The following CACNA1C variants were observed in gnomAD, a reference collection of about 807,000 sequenced individuals.
CACNA1C encodes voltage-dependent L-type calcium channel subunit alpha-1C.
Under a neutral mutation model 229.0 loss-of-function variants are expected in CACNA1C, and 30 were observed. That is an observed-to-expected ratio of 0.13 (90% CI 0.10 to 0.18). The LOEUF (loss-of-function observed/expected upper bound fraction) is 0.18, where lower values mean the gene tolerates loss of function less well. CACNA1C is among the 10% of genes least tolerant of loss of function. CACNA1C has a pLI of 1.00. For synonymous variants in CACNA1C, 1,114 were observed against 1,132.5 expected, an observed-to-expected ratio of 0.98 and a Z score of 0.33; for missense variants, 1,658 against 2,845.0, an observed-to-expected ratio of 0.58 and a Z score of 9.49.
At chr12:2,495,864 C>T (rs2099745813) in intron 7 of CACNA1C, among the ~76,000 whole-genome samples, 1 of 152,196 alleles carries the variant, frequency 6.6e-6, no homozygotes, top group South Asian at 2.1e-4. Context: ...AAAACTGAAA[C>T]TTGGGTATTC....
chr12:2,108,146 A>G lies in CACNA1C; in HGVS notation c.50-7078A>G, dbSNP rs2079977422. 6.6e-6 allele frequency among the ~76,000 whole-genome samples: 1 copy of G among 152,236 alleles called. No individual in the cohort carries two copies. Among genetic ancestry groups the G allele is most frequent in the African/African-American group, 2.4e-5 (1 of 41,460 alleles). ...GGACAGTGTTGCTATAGACTGGTCT[A>G]TATATCTCAGTCAGGGTTCAGGCCT... On this transcript the variant is annotated intron_variant, in intron 1 of 46. Transcript: ENST00000399655. This position sits in a 1 kb window ranked among gnomAD's most constrained non-coding sequence, Gnocchi z 5.3.
intron 7 of CACNA1C, among the ~76,000 whole-genome samples, chr12:2,498,110 C>T (rs1252900323): frequency 6.6e-6 from 1 of 152,146 alleles, no homozygotes; most frequent in Admixed American, 6.5e-5. Context: ...CTATTTTTGT[C>T]TACTCCATCT....
At chr12:2,232,768 A>T (rs1271948583) in intron 3 of CACNA1C, among the ~76,000 whole-genome samples, 1 of 152,004 alleles carries the variant, frequency 6.6e-6, no homozygotes, top group East Asian at 1.9e-4. Flanking sequence ...TTCCCCAGTT[A>T]TTTATTTATT....
chr12:2,397,774 G>T (rs989920117), intron 3 of CACNA1C, among the ~76,000 whole-genome samples: 5 of 152,364 alleles, frequency 3.3e-5, no homozygotes, highest in Admixed American at 2.6e-4. Context: ...CAAGCCATGA[G>T]CCTTCTGATA....
At chr12:2,372,402 G>A (rs2097893848) in intron 3 of CACNA1C, among the ~76,000 whole-genome samples, 1 of 152,106 alleles carries the variant, frequency 6.6e-6, no homozygotes, top group South Asian at 2.1e-4. Context: ...CCATGACGCT[G>A]GGGAGAAATC....
rs755615492 is a variant in CACNA1C at position 2,601,862 on chromosome 12, T to A, written c.2862T>A (p.Ala954=). The change falls in exon 22 of 47, where the codon GCT becomes GCA. Residue 954 remains alanine (A), a synonymous_variant. Transcript: ENST00000399655. The surrounding 1 kb of genome is among the most constrained non-coding windows in gnomAD (Gnocchi z 5.9). Reference sequence around the variant, plus strand: ...TTTGTCCCTCCCTGCAGATGACTGCTTATGGGGCTTTCTTGCACAAGGGTT... The same window carrying A: ...TTTGTCCCTCCCTGCAGATGACTGCATATGGGGCTTTCTTGCACAAGGGTT... ...FTIEIALKMT[A]YGAFLHKGSF... 1.2e-6 allele frequency: 2 copies of A among 1,612,880 alleles called. No individual in the cohort carries two copies. The highest frequency in any genetic ancestry group is 2.7e-5 in the African/African-American group (2 of 74,894).
At chr12:2,017,125 G>T (rs2045529549) in intron 1 of CACNA1C, among the ~76,000 whole-genome samples, 1 of 152,146 alleles carries the variant, frequency 6.6e-6, no homozygotes, top group South Asian at 2.1e-4. Flanking sequence ...AGGTAATTCT[G>T]GCTACAATTT....
intron 9 of CACNA1C, among the ~76,000 whole-genome samples, chr12:2,513,423 A>T (rs985762094): frequency 5.9e-5 from 9 of 152,210 alleles, no homozygotes; most frequent in Admixed American, 1.3e-4. Context: ...ATTTCCATGC[A>T]CCACTGAGCT....
chr12:1,997,059 A>G (rs979498494), intron 1 of CACNA1C, among the ~76,000 whole-genome samples: 42 of 152,226 alleles, frequency 2.8e-4, no homozygotes, highest in African/African-American at 1.0e-3. Context: ...CAATATACAT[A>G]ATGTATGTCT....
chr12:1,992,129 C>T (rs550066861), intron 1 of CACNA1C: 3 of 264,592 alleles, frequency 1.1e-5, no homozygotes, highest in African/African-American at 6.9e-5. Context: ...GTGTACCTTT[C>T]GGCAAAGAAA....
intron 3 of CACNA1C, among the ~76,000 whole-genome samples, chr12:2,415,109 G>A (rs1304979532): frequency 6.6e-6 from 1 of 152,206 alleles, no homozygotes; most frequent in African/African-American, 2.4e-5. Context: ...CCTGAACCCA[G>A]GTTCTGTCAG....
chr12:2,376,908 C>T (rs1052740086), intron 3 of CACNA1C, among the ~76,000 whole-genome samples: 21 of 152,316 alleles, frequency 1.4e-4, no homozygotes, highest in Middle Eastern at 3.4e-3. Context: ...ATGCTCGCTA[C>T]GCCCACTAGC....
chr12:2,393,217 C>T (rs1316804537), intron 3 of CACNA1C, among the ~76,000 whole-genome samples: 2 of 152,130 alleles, frequency 1.3e-5, no homozygotes, highest in Non-Finnish European at 2.9e-5. Context: ...CCATAGAAGC[C>T]GCCTAGCAAA....
At chr12:2,439,840 G>A (rs377049993) in intron 3 of CACNA1C, among the ~76,000 whole-genome samples, 1 of 152,016 alleles carries the variant, frequency 6.6e-6, no homozygotes, top group Non-Finnish European at 1.5e-5. Context: ...CTGCTTTGCT[G>A]TTAGGCTATT....
chr12:2,458,800 T>C (rs2099465967), intron 5 of CACNA1C, among the ~76,000 whole-genome samples: 1 of 152,156 alleles, frequency 6.6e-6, no homozygotes, highest in Non-Finnish European at 1.5e-5. Flanking sequence ...ACCAGTTTAC[T>C]TTTTGTTCAT....
Position 2,581,572 on chromosome 12 carries a change from C to A in CACNA1C, c.1896-18C>A, listed in dbSNP as rs1056995890. The A allele has an allele frequency of 7.8e-6, 12 of 1,543,462 alleles. No homozygotes were observed. The African/African-American group carries it at 1.6e-4, about 21-fold the overall frequency. ...CAGCAAGGGGCAGAGTGCTGACCTC[C>A]CTCCTGTTGGCTCTCAGGTACTGGA... is the stretch of plus-strand genomic sequence containing the variant. On this transcript the variant is annotated intron_variant, in intron 13 of 46. Coordinates refer to ENST00000399655, the MANE Select transcript of CACNA1C (RefSeq NM_000719.7).
At chr12:2,284,568 C>A (rs1023482034) in intron 3 of CACNA1C, among the ~76,000 whole-genome samples, 3 of 152,098 alleles carry the variant, frequency 2.0e-5, no homozygotes, top group Non-Finnish European at 2.9e-5. Context: ...TTCTGTCTGC[C>A]TCCCAGGATC....
intron 3 of CACNA1C, among the ~76,000 whole-genome samples, chr12:2,306,668 C>A (rs1471169918): frequency 6.6e-6 from 1 of 152,110 alleles, no homozygotes; most frequent in Non-Finnish European, 1.5e-5. Context: ...TTTCAAAGAA[C>A]GCTGGATAAA....
At chr12:2,687,352 C>G (rs1274360365) in intron 45 of CACNA1C, among the ~76,000 whole-genome samples, 5 of 152,174 alleles carry the variant, frequency 3.3e-5, no homozygotes, top group African/African-American at 1.2e-4. Flanking sequence ...TCCTCCTGTA[C>G]TCTGTGACCC....
Sources: gnomAD v4.1 joint callset for allele counts (sites outside exome capture counted in the v4.1 genomes callset) on GRCh38, gnomAD v4.1.1 for gene constraint, Gnocchi (gnomAD v3.1) non-coding constraint, MANE v1.5 for transcripts, NCBI Gene and HGNC (gene_info 2026-07-23, HGNC 2026-07-21) for gene names.